The following DNAH10 variants were observed in gnomAD, a reference collection of about 807,000 sequenced individuals.
DNAH10 encodes the protein axonemal beta dynein heavy chain 10.
Under a neutral mutation model 506.6 loss-of-function variants are expected in DNAH10, and 348 were observed. The observed-to-expected ratio is 0.69, with a 90% CI of 0.63 to 0.75. DNAH10 has a LOEUF of 0.75. Among genes scored for constraint, DNAH10 ranks in the 30% least tolerant of loss-of-function variants. The pLI is 0.00. For missense variants in DNAH10, 5,179 were observed against 5,787.1 expected, an observed-to-expected ratio of 0.89 and a Z score of 3.41; for synonymous variants, 2,059 against 2,198.6, an observed-to-expected ratio of 0.94 and a Z score of 1.78.
intron 10 of DNAH10, among the ~76,000 whole-genome samples, chr12:123,788,924 C>CAAAAAAAAAAAAAAAAAAAAAATAA (rs1200548876): frequency 1.5e-5 from 1 of 66,610 alleles, no homozygotes. Context: ...GACCTTGCTT[C>CAAAAAAAAAAAAAAAAAAAAAATAA]AAAAAAAAAA....
At chr12:123,911,188 C>A (rs779222042) in intron 59 of DNAH10, among the ~76,000 whole-genome samples, 1 of 134,678 alleles carries the variant, frequency 7.4e-6, no homozygotes, top group Non-Finnish European at 1.6e-5. Context: ...AAAAAAATGA[C>A]GTAAAGATGT....
At chr12:123,812,368 G>A (rs1958974185) in intron 19 of DNAH10, among the ~76,000 whole-genome samples, 1 of 152,074 alleles carries the variant, frequency 6.6e-6, no homozygotes, top group South Asian at 2.1e-4. Context: ...GGAGAATGGT[G>A]TGAACCCAGG....
In DNAH10 at chr12:123,853,963, G is replaced by C. The variant is rs1377765532; in HGVS notation, c.6438+611G>C. On this transcript the variant is annotated intron_variant, in intron 36 of 78. Transcript: ENST00000673944. The surrounding 1 kb of genome is among the most constrained non-coding windows in gnomAD (Gnocchi z 4.7). ...ACGCACACACACACACATTTGGGTAGTAAAAAAAAAACAGCCGTGAGTGCA... is the reference window on the plus strand; with the variant it reads ...ACGCACACACACACACATTTGGGTACTAAAAAAAAAACAGCCGTGAGTGCA... Among the ~76,000 whole-genome samples, 1 of 147,548 alleles carries C rather than the reference G, an allele frequency of 6.8e-6. No homozygotes were observed. The highest frequency in any genetic ancestry group is 2.5e-5 in the African/African-American group (1 of 39,978).
Position 123,919,079 on chromosome 12 carries a change from TTTTC to T in DNAH10, c.11506+134_11506+137del. 1.6e-6 allele frequency: 2 copies of T among 1,229,390 alleles called. No individual in the cohort carries two copies. Among genetic ancestry groups the T allele is most frequent in the Non-Finnish European group, 2.2e-6 (2 of 920,418 alleles). The allele number at this position is 1,229,390 out of a possible 1,614,324, so 76.2% of individuals were successfully genotyped here. ...TTTTCTTTTTTCTTTCTTTCTTTCT[TTTTC>T]TTTTTTTTTTGAGATAGGGTCTTGC... On this transcript the variant is annotated intron_variant, in intron 65 of 78. Transcript: ENST00000673944. The surrounding 1 kb of genome is among the most constrained non-coding windows in gnomAD (Gnocchi z 4.9).
rs1408061373 is a variant in DNAH10, at chr12:123,807,115, TTCATCCATCCATCCA to T, written c.2988-1664_2988-1650del. Among the ~76,000 whole-genome samples the T allele has an allele frequency of 7.2e-5, 11 of 152,110 alleles. 1 individual carries two copies. In the South Asian group the frequency reaches 1.0e-3, roughly 14 times the overall value. On this transcript the variant is annotated intron_variant, in intron 18 of 78. Transcript: ENST00000673944. ...ATTTATTAACTCATTCATTCATTTG[TTCATCCATCCATCCA>T]TCATCCATCCATCCATCCATCTGTT...
chr12:123,781,556 C>G (rs1245836743), intron 6 of DNAH10, among the ~76,000 whole-genome samples: 1 of 150,988 alleles, frequency 6.6e-6, no homozygotes, highest in Non-Finnish European at 1.5e-5. Flanking sequence ...ACCTCCGCCC[C>G]CTGGGTTCAA....
rs897683123 is a variant in DNAH10, at chr12:123,917,873, G to A, written c.11232+60G>A. On this transcript the variant is annotated intron_variant, in intron 64 of 78. Transcript: ENST00000673944. This position sits in a 1 kb window ranked among gnomAD's most constrained non-coding sequence, Gnocchi z 5.6. Reference sequence around the variant, plus strand: ...CGGGGCCTGCATGCGCCGTTGGAGCGTCCATTTCTCTGTCTGCTCAATGAG... The same window carrying A: ...CGGGGCCTGCATGCGCCGTTGGAGCATCCATTTCTCTGTCTGCTCAATGAG... The A allele has an allele frequency of 2.3e-5, 35 of 1,504,956 alleles. No individual in the cohort carries two copies. In the Admixed American group the frequency reaches 4.1e-4, roughly 18 times the overall value. The allele number at this position is 1,504,956 out of a possible 1,614,324, so 93.2% of individuals were successfully genotyped here.
chr12:123,867,039 T>C (rs940281330), intron 41 of DNAH10, among the ~76,000 whole-genome samples: 1 of 152,198 alleles, frequency 6.6e-6, no homozygotes, highest in Admixed American at 6.5e-5. Context: ...CAGAACCATC[T>C]GAGGCACTGT....
At position 123,762,641 on chromosome 12, in the gene DNAH10, A is replaced by C; in HGVS notation, c.214+91A>C. ...GCGCCGGGGCTGCTAGAGCCTGCCC[A>C]TCGTCCGGCCCCGGCCTCAGGTGCT... On this transcript the variant is annotated intron_variant, in intron 1 of 78. Transcript: ENST00000673944. The surrounding 1 kb of genome is among the most constrained non-coding windows in gnomAD (Gnocchi z 5.0). 1.5e-6 allele frequency: 2 copies of C among 1,357,678 alleles called. No homozygotes were observed. Among genetic ancestry groups the C allele is most frequent in the South Asian group, 1.4e-5 (1 of 72,782 alleles). The allele number at this position is 1,357,678 out of a possible 1,614,324, so 84.1% of individuals were successfully genotyped here.
At chr12:123,774,999 A>G (rs952668231) in intron 5 of DNAH10, among the ~76,000 whole-genome samples, 2 of 152,204 alleles carry the variant, frequency 1.3e-5, no homozygotes, top group African/African-American at 4.8e-5. Flanking sequence ...AAATACCGAC[A>G]AGTGGCATGA....
Position 123,778,877 on chromosome 12 carries a change from A to G in DNAH10, c.622-2203A>G, listed in dbSNP as rs185148014. 7.8e-4 allele frequency among the ~76,000 whole-genome samples: 117 copies of G among 149,784 alleles called. 1 individual carries two copies. In the Admixed American group the frequency reaches 7.9e-3, roughly 10 times the overall value. On this transcript the variant is annotated intron_variant, in intron 5 of 78. Transcript: ENST00000673944. The stretch of plus-strand genomic sequence containing the variant: ...CTCAGCCTCCGGAGTAGCTGGGTCT[A>G]TAGGTGCACACCACTAAGACTGTCT...
intron 6 of DNAH10, among the ~76,000 whole-genome samples, chr12:123,782,204 T>G (rs1048065421): frequency 6.6e-6 from 1 of 152,076 alleles, no homozygotes; most frequent in Admixed American, 6.5e-5. Context: ...TTAAGACCTC[T>G]GATTCTCTGA....
In DNAH10 at chr12:123,813,815, C is replaced by G; in HGVS notation, c.3683C>G (p.Ala1228Gly). 6.2e-7 allele frequency: 1 copy of G among 1,613,274 alleles called. No homozygotes were observed. Among genetic ancestry groups the G allele is most frequent in the Non-Finnish European group, 8.5e-7 (1 of 1,179,726 alleles). Residue 1228 changes from alanine (A) to glycine (G), a missense_variant, in exon 21 of 79, where the codon GCA (alanine) becomes GGA (glycine). Ala to Gly is a moderately conservative substitution (Grantham distance 60, BLOSUM62 0). Coordinates refer to ENST00000673944, the MANE Select transcript of DNAH10 (RefSeq NM_001372106.1). ...CTTGAAGATCTCAAGTTTGTCCTTG[C>G]AACAATTGCAGAAATTAGAAGTAAA... ...NTLEDLKFVL[A>G]TIAEIRSKSL...
chr12:123,849,912 T>C (rs1202024225), intron 34 of DNAH10, among the ~76,000 whole-genome samples: 1 of 152,146 alleles, frequency 6.6e-6, no homozygotes, highest in Non-Finnish European at 1.5e-5. Context: ...TTTTGAGGGA[T>C]TTTTGGGGCT....
chr12:123,774,302 A>T, intron 5 of DNAH10, 38 bp downstream of exon 5: 1 of 1,462,972 alleles, frequency 6.8e-7, no homozygotes, highest in Non-Finnish European at 9.4e-7. Context: ...AGTATTTCTA[A>T]AGTTGAGGTC....
At chr12:123,807,598 T>C (rs145328354) in intron 18 of DNAH10, among the ~76,000 whole-genome samples, 17 of 150,820 alleles carry the variant, frequency 1.1e-4, no homozygotes, top group African/African-American at 3.7e-4. Context: ...AAAGATGAGA[T>C]TGAAGGAGGG....
At chr12:123,929,897 T>C (rs764781804) in intron 72 of DNAH10, 138 bp downstream of exon 72, 223 of 730,724 alleles carry the variant, frequency 3.1e-4, no homozygotes, top group Non-Finnish European at 4.1e-4. Flanking sequence ...GACAATTCTC[T>C]CTGCTCTCAC....
At chr12:123,800,515 T>C (rs146797106) in intron 15 of DNAH10, 127 bp downstream of exon 15, 12,967 of 943,286 alleles carry the variant, frequency 0.014, 146 homozygotes, top group South Asian at 0.037. Flanking sequence ...TATGAATTCT[T>C]ACCACATTAG....
In DNAH10 at chr12:123,935,532, AGT is replaced by A; in HGVS notation, c.*53_*54del. 1.9e-6 allele frequency: 2 copies of A among 1,049,880 alleles called. No homozygotes were observed. Among genetic ancestry groups the A allele is most frequent in the Non-Finnish European group, 2.8e-6 (2 of 724,788 alleles). 65.0% of individuals were successfully genotyped at this position (1,049,880 alleles called of 1,614,324 possible). ...TGAATTCGGAGCCTGGGGTTGTCAG[AGT>A]GATCGGGTCTGCTGTCATTTCTTGG... is the stretch of plus-strand genomic sequence containing the variant. On this transcript the variant is annotated 3_prime_UTR_variant, in exon 79 of 79. Transcript: ENST00000673944.
Sources: gnomAD v4.1 joint callset for allele counts (sites outside exome capture counted in the v4.1 genomes callset) on GRCh38, gnomAD v4.1.1 for gene constraint, Gnocchi (gnomAD v3.1) non-coding constraint, MANE v1.5 for transcripts, NCBI Gene and HGNC (gene_info 2026-07-23, HGNC 2026-07-21) for gene names.